The following FRAS1 variants were observed in gnomAD, a reference collection of about 807,000 sequenced individuals.
FRAS1 encodes the protein Fraser extracellular matrix complex subunit 1.
FRAS1 carries 290 observed loss-of-function variants against 435.2 expected under a neutral mutation model. The observed-to-expected ratio is 0.67, with a 90% CI of 0.61 to 0.73. The LOEUF is 0.73. Ranked by LOEUF, FRAS1 falls within the 30% of genes least tolerant of loss-of-function variation. The pLI, the probability that FRAS1 is intolerant of heterozygous loss-of-function variation, is 0.00. For missense variants in FRAS1, 4,860 were observed against 5,001.5 expected, an observed-to-expected ratio of 0.97 and a Z score of 0.85; for synonymous variants, 1,800 against 1,851.0, an observed-to-expected ratio of 0.97 and a Z score of 0.71.
Position 78,162,377 on chromosome 4 carries a change from G to A in FRAS1, c.109-75133G>A, listed in dbSNP as rs78316934. ...TCCCAAAAAAATTTGGTTTTAAGTG[G>A]GAAGGGATAGAAACGGTACCATAAG... On this transcript the variant is annotated intron_variant, in intron 2 of 73. Transcript: ENST00000512123. 7.1e-3 allele frequency among the ~76,000 whole-genome samples: 1,077 copies of A among 152,278 alleles called. 16 individuals are homozygous for A. Among genetic ancestry groups the A allele is most frequent in the African/African-American group, 0.025 (1,024 of 41,572 alleles).
In FRAS1 at chr4:78,266,929, C is replaced by T. The variant is rs374802344; in HGVS notation, c.783C>T (p.Cys261=). Reference sequence around the variant, plus strand: ...AGCAGGCCTGCCTGCCCCTGAGATGCGGAAAGGTATTTGAGAGTGTGTACC... The same window carrying T: ...AGCAGGCCTGCCTGCCCCTGAGATGTGGAAAGGTATTTGAGAGTGTGTACC... ...CHKQACLPLR[C]GKGQSRARRH... is the part of the protein sequence containing the mutation. The change falls in exon 8 of 74, where the codon TGC becomes TGT. Residue 261 remains cysteine (C), a synonymous_variant. Coordinates refer to ENST00000512123, the MANE Select transcript of FRAS1 (RefSeq NM_025074.7). 92 of 1,599,600 alleles carry T rather than the reference C, an allele frequency of 5.8e-5. No homozygotes were observed. The highest frequency in any genetic ancestry group is 1.6e-4 in the Middle Eastern group (1 of 6,062).
rs569852302 is a variant in FRAS1, at chr4:78,279,106, A to G, written c.1071+362A>G. Among the ~76,000 whole-genome samples the G allele has an allele frequency of 2.0e-5, 3 of 152,322 alleles. No individual in the cohort carries two copies. In the South Asian group the frequency reaches 6.2e-4, roughly 32 times the overall value. The stretch of plus-strand genomic sequence containing the variant: ...ATGTGTTCCTTTACATAAAATGGTG[A>G]GGAGGTTTCTCTTACAGAAAACTTT... On this transcript the variant is annotated intron_variant, in intron 10 of 73. Coordinates refer to ENST00000512123, the MANE Select transcript of FRAS1 (RefSeq NM_025074.7).
Position 78,432,380 on chromosome 4 carries a change from GT to G in FRAS1, c.4995del (p.Glu1666ArgfsTer29). ...ATGDTFTYED[V>X]EKNALQYIHD... ...AGGTGACACTTTCACCTATGAGGATGTTGAGAAAAATGCTCTACAGTATATA... is the reference window on the plus strand; with the variant it reads ...AGGTGACACTTTCACCTATGAGGATGTGAGAAAAATGCTCTACAGTATATA... On this transcript the variant is annotated frameshift_variant, in exon 38 of 74. Coordinates refer to ENST00000512123, the MANE Select transcript of FRAS1 (RefSeq NM_025074.7). LOFTEE classifies it high-confidence loss of function. 6.2e-7 allele frequency: 1 copy of G among 1,603,052 alleles called. No individual in the cohort carries two copies. The highest frequency in any genetic ancestry group is 8.5e-7 in the Non-Finnish European group (1 of 1,174,124).
intron 27 of FRAS1, among the ~76,000 whole-genome samples, chr4:78,383,600 G>A (rs927449421): frequency 6.6e-6 from 1 of 152,164 alleles, no homozygotes; most frequent in African/African-American, 2.4e-5. Flanking sequence ...TACAGACATT[G>A]CAAATGTTGT....
At chr4:78,161,583 C>T (rs953916264) in intron 2 of FRAS1, among the ~76,000 whole-genome samples, 2 of 151,614 alleles carry the variant, frequency 1.3e-5, no homozygotes, top group Non-Finnish European at 2.9e-5. Context: ...TTCATGTTAT[C>T]TACTTTATTA....
chr4:78,338,714 G>C (rs1414544409), intron 20 of FRAS1, among the ~76,000 whole-genome samples: 1 of 152,138 alleles, frequency 6.6e-6, no homozygotes, highest in African/African-American at 2.4e-5. Flanking sequence ...GAAGAGGCAT[G>C]GCCAGTTGTC....
intron 2 of FRAS1, among the ~76,000 whole-genome samples, chr4:78,212,710 T>C (rs1474822552): frequency 6.6e-5 from 10 of 152,246 alleles, no homozygotes; most frequent in Non-Finnish European, 1.3e-4. Context: ...TAGCACCTAA[T>C]GAGTACTTGA....
In FRAS1 at chr4:78,445,861, T is replaced by G. The variant is rs542338179; in HGVS notation, c.5856+149T>G. On this transcript the variant is annotated intron_variant, in intron 42 of 73. Transcript: ENST00000512123. The stretch of plus-strand genomic sequence containing the variant: ...GTTCTTAAAATATAGCCTTCAGGAA[T>G]CTTGTAGAATTAAGGTTGGCATTTG... The G allele has an allele frequency of 3.6e-6, 5 of 1,375,586 alleles. 1 individual carries two copies. In the South Asian group the frequency reaches 1.1e-4, roughly 31 times the overall value. 85.2% of individuals were successfully genotyped at this position (1,375,586 alleles called of 1,614,324 possible).
At chr4:78,357,614 T>G (rs1445055759) in intron 20 of FRAS1, among the ~76,000 whole-genome samples, 1 of 151,992 alleles carries the variant, frequency 6.6e-6, no homozygotes, top group African/African-American at 2.4e-5. Flanking sequence ...ATTAAAGAAC[T>G]TTTTCGGCCG....
rs1274029152 is a variant in FRAS1, at chr4:78,507,423, G to A, written c.9319G>A (p.Val3107Met). ...KSRVLKFSPG[V>M]DHIFFKVEIL... ...TTTTTGTTCTGTCCTTGGCGAAGGT[G>A]TGGATCATATCTTTTTTAAAGTTGA... Residue 3107 changes from valine (V) to methionine (M), a missense_variant and splice_region_variant, in exon 62 of 74, where the codon GTG (valine) becomes ATG (methionine). Transcript: ENST00000512123. The A allele has an allele frequency of 4.3e-6, 7 of 1,609,434 alleles. No homozygotes were observed. The highest frequency in any genetic ancestry group is 1.6e-4 in the Middle Eastern group (1 of 6,074).
chr4:78,125,178 G>C (rs1719273463), intron 2 of FRAS1, among the ~76,000 whole-genome samples: 1 of 152,094 alleles, frequency 6.6e-6, no homozygotes, highest in Admixed American at 6.5e-5. Context: ...TAGTGATTTT[G>C]GTACGTTGTG....
chr4:78,112,438 T>C (rs1045523952), intron 2 of FRAS1, among the ~76,000 whole-genome samples: 2 of 152,148 alleles, frequency 1.3e-5, no homozygotes, highest in African/African-American at 4.8e-5. Context: ...TTTGTGAGCT[T>C]TTCTGTTAGG....
At chr4:78,369,389 C>T (rs1332327068) in intron 22 of FRAS1, among the ~76,000 whole-genome samples, 2 of 152,162 alleles carry the variant, frequency 1.3e-5, no homozygotes, top group Non-Finnish European at 2.9e-5. Flanking sequence ...CCTTCAAGTC[C>T]TTTGTATCTT....
At chr4:78,526,492 A>G in intron 69 of FRAS1, 49 bp from the exon 70 acceptor site, 1 of 1,257,802 alleles carries the variant, frequency 8.0e-7, no homozygotes, top group Non-Finnish European at 1.1e-6. Flanking sequence ...GTAAGCCAGC[A>G]ACCTATCAGT....
At chr4:78,529,418 A>G (rs912676581) in intron 70 of FRAS1, among the ~76,000 whole-genome samples, 3 of 152,194 alleles carry the variant, frequency 2.0e-5, no homozygotes, top group Admixed American at 6.5e-5. Flanking sequence ...CTCAAGAAAC[A>G]GAACATTACC....
intron 43 of FRAS1, 55 bp from the exon 44 acceptor site, chr4:78,447,998 C>CAT (rs768815382): frequency 2.4e-5 from 34 of 1,424,856 alleles, no homozygotes; most frequent in Admixed American, 1.5e-4. Context: ...TGTTTTGAAT[C>CAT]ATATATATAT....
chr4:78,388,319 C>T (rs1560698432), intron 29 of FRAS1, among the ~76,000 whole-genome samples: 1 of 143,254 alleles, frequency 7.0e-6, no homozygotes. Context: ...AGAGAGACTC[C>T]GTCTCAAAAA....
At chr4:78,456,931 A>G (rs1049208446) in intron 47 of FRAS1, among the ~76,000 whole-genome samples, 13 of 152,192 alleles carry the variant, frequency 8.5e-5, no homozygotes, top group Non-Finnish European at 1.9e-4. Flanking sequence ...AGCTCTCAAC[A>G]CAACACAACT....
chr4:78,412,722 AT>A lies in FRAS1; in HGVS notation c.4309-241del, dbSNP rs1487789023. 2.6e-5 allele frequency among the ~76,000 whole-genome samples: 4 copies of A among 152,152 alleles called. No homozygotes were observed. The East Asian group carries it at 5.8e-4, about 22-fold the overall frequency. On this transcript the variant is annotated intron_variant, in intron 31 of 73. Transcript: ENST00000512123. The stretch of plus-strand genomic sequence containing the variant: ...TTTCTAGATAGTGAAATTCTAGATG[AT>A]TTTTTATTGCTTATTTATGCTTTCC...
Sources: gnomAD v4.1 joint callset for allele counts (sites outside exome capture counted in the v4.1 genomes callset) on GRCh38, gnomAD v4.1.1 for gene constraint, MANE v1.5 for transcripts, NCBI Gene and HGNC (gene_info 2026-07-23, HGNC 2026-07-21) for gene names.